MMP16: variants seen among roughly 807,000 people sequenced by gnomAD.
MMP16 encodes matrix metallopeptidase 16.
A neutral mutation model predicts 67.8 loss-of-function variants in MMP16; 12 were observed. That is an observed-to-expected ratio of 0.18 (90% CI 0.11 to 0.29). The LOEUF (loss-of-function observed/expected upper bound fraction) is 0.29. MMP16 is among the 10% of genes least tolerant of loss of function. The pLI is 1.00. For synonymous variants in MMP16, 249 were observed against 255.9 expected, an observed-to-expected ratio of 0.97 and a Z score of 0.26; for missense variants, 475 against 765.7, an observed-to-expected ratio of 0.62 and a Z score of 4.48.
At chr8:88,056,552 A>G (rs1808335453) in intron 7 of MMP16, among the ~76,000 whole-genome samples, 1 of 152,050 alleles carries the variant, frequency 6.6e-6, no homozygotes, top group Non-Finnish European at 1.5e-5. Context: ...AATAAAATAG[A>G]TCTATAACTT....
chr8:88,324,511 A>ATC (rs759411642), intron 1 of MMP16, among the ~76,000 whole-genome samples: 1 of 152,176 alleles, frequency 6.6e-6, no homozygotes, highest in Non-Finnish European at 1.5e-5. Context: ...CATAAAAAGC[A>ATC]TCCCCCTGAA....
rs910679685 is a variant in MMP16 at position 88,032,329 on chromosome 8, A to G, written c.*9132T>C. The G allele has an allele frequency of 6.6e-6, 1 of 152,194 alleles. No individual in the cohort carries two copies. Among genetic ancestry groups the G allele is most frequent in the Non-Finnish European group, 1.5e-5 (1 of 68,040 alleles). The allele number at this position is 152,194 out of a possible 1,614,324, so 9.4% of individuals were successfully genotyped here. ...AGCAGTCAAAGGGTTATAGCATTGTAAACATAAGTACTTTGTGGAAAAGTT... is the reference window on the plus strand; with the variant it reads ...AGCAGTCAAAGGGTTATAGCATTGTGAACATAAGTACTTTGTGGAAAAGTT... On this transcript the variant is annotated 3_prime_UTR_variant, in exon 10 of 10. Transcript: ENST00000286614.
rs28907621 is a variant in MMP16, at chr8:88,123,815, A to C, written c.710-4954T>G. On this transcript the variant is annotated intron_variant, in intron 4 of 9. Transcript: ENST00000286614. Reference sequence around the variant, plus strand: ...GCTGAGAGAAGCTGATCTTGGGTGGATTTTCACGCATCTCTTTCTGACACT... The same window carrying C: ...GCTGAGAGAAGCTGATCTTGGGTGGCTTTTCACGCATCTCTTTCTGACACT... Among the ~76,000 whole-genome samples, 1,442 of 151,702 alleles carry C rather than the reference A, an allele frequency of 9.5e-3. 11 individuals carry two copies. Among genetic ancestry groups the C allele is most frequent in the Non-Finnish European group, 0.012 (833 of 67,860 alleles).
intron 6 of MMP16, among the ~76,000 whole-genome samples, chr8:88,084,817 T>C (rs1808807441): frequency 6.6e-6 from 1 of 151,904 alleles, no homozygotes; most frequent in African/African-American, 2.4e-5. Flanking sequence ...TATGAAAAAA[T>C]ATTATTATGG....
At chr8:88,131,738 G>A (rs997959335) in intron 4 of MMP16, among the ~76,000 whole-genome samples, 1 of 151,688 alleles carries the variant, frequency 6.6e-6, no homozygotes, top group Non-Finnish European at 1.5e-5. Flanking sequence ...TCACCCACAC[G>A]TAGCTTAATT....
chr8:88,323,069 G>T (rs546370562), intron 1 of MMP16, among the ~76,000 whole-genome samples: 1 of 152,214 alleles, frequency 6.6e-6, no homozygotes, highest in South Asian at 2.1e-4. Flanking sequence ...TGACCAGTTA[G>T]AAACTGCTAC....
At chr8:88,139,436 T>C (rs1808174713) in intron 4 of MMP16, among the ~76,000 whole-genome samples, 1 of 152,122 alleles carries the variant, frequency 6.6e-6, no homozygotes, top group Non-Finnish European at 1.5e-5. Context: ...CACTTGGGCA[T>C]TACTCAAACC....
In MMP16 at chr8:88,233,572, A is replaced by G. The variant is rs575737498; in HGVS notation, c.133-36266T>C. On this transcript the variant is annotated intron_variant, in intron 1 of 9. Coordinates refer to ENST00000286614, the MANE Select transcript of MMP16 (RefSeq NM_005941.5). ...AAGTCTGATTCCACTAACCAGATAC[A>G]AAGTCATTTTGTTTTAATTCCAAGA... 3.5e-3 allele frequency among the ~76,000 whole-genome samples: 540 copies of G among 152,336 alleles called. 4 individuals carry two copies. Among genetic ancestry groups the G allele is most frequent in the African/African-American group, 0.012 (516 of 41,566 alleles).
At chr8:88,117,777 A>G (rs550723224) in intron 5 of MMP16, among the ~76,000 whole-genome samples, 1 of 152,214 alleles carries the variant, frequency 6.6e-6, no homozygotes, top group Non-Finnish European at 1.5e-5. Context: ...GCAAAAACGA[A>G]TTAGTGAACT....
intron 4 of MMP16, among the ~76,000 whole-genome samples, chr8:88,135,189 G>A (rs1475408422): frequency 1.3e-5 from 2 of 151,600 alleles, no homozygotes; most frequent in Non-Finnish European, 3.0e-5. Context: ...AACATTTATT[G>A]AGTATTAGAT....
chr8:88,136,386 T>C lies in MMP16; in HGVS notation c.710-17525A>G, dbSNP rs534924209. Among the ~76,000 whole-genome samples, 5 of 151,934 alleles carry C rather than the reference T, an allele frequency of 3.3e-5. No homozygotes were observed. The South Asian group carries it at 1.0e-3, about 32-fold the overall frequency. On this transcript the variant is annotated intron_variant, in intron 4 of 9. Transcript: ENST00000286614. Reference sequence around the variant, plus strand: ...ATCAAATTAAAAACTTTAATTTTCATTAATGTAAAATGTACATACTATAAA... The same window carrying C: ...ATCAAATTAAAAACTTTAATTTTCACTAATGTAAAATGTACATACTATAAA...
At chr8:88,043,949 A>G (rs1197276849) in intron 9 of MMP16, among the ~76,000 whole-genome samples, 1 of 152,234 alleles carries the variant, frequency 6.6e-6, no homozygotes, top group African/African-American at 2.4e-5. Flanking sequence ...TGTACTTCTT[A>G]TATCTATAAA....
At chr8:88,059,088 G>A (rs532678168) in intron 7 of MMP16, among the ~76,000 whole-genome samples, 4 of 152,118 alleles carry the variant, frequency 2.6e-5, no homozygotes, top group Non-Finnish European at 5.9e-5. Flanking sequence ...AGATGTCAAT[G>A]AGATATCTAC....
intron 1 of MMP16, among the ~76,000 whole-genome samples, chr8:88,289,707 C>T (rs1038727615): frequency 1.3e-5 from 2 of 151,292 alleles, no homozygotes; most frequent in African/African-American, 4.9e-5. Context: ...CACACACACA[C>T]ACACACACAC....
In MMP16 at chr8:88,100,544, T is replaced by G. The variant is rs1208922687; in HGVS notation, c.1083+15963A>C. ...ACTGTTGATGGGACTGTAAACTAGT[T>G]CAACCATTGTGGAAGACAGTGTGGT... On this transcript the variant is annotated intron_variant, in intron 6 of 9. Coordinates refer to ENST00000286614, the MANE Select transcript of MMP16 (RefSeq NM_005941.5). Among the ~76,000 whole-genome samples the G allele has an allele frequency of 2.0e-5, 3 of 152,008 alleles. No homozygotes were observed. The East Asian group carries it at 5.8e-4, about 30-fold the overall frequency.
At chr8:88,103,078 C>T (rs1311998426) in intron 6 of MMP16, among the ~76,000 whole-genome samples, 2 of 151,846 alleles carry the variant, frequency 1.3e-5, no homozygotes, top group African/African-American at 4.8e-5. Flanking sequence ...TTTCCATCTT[C>T]ATTTCTCAAT....
intron 1 of MMP16, among the ~76,000 whole-genome samples, chr8:88,208,472 T>C (rs1177112329): frequency 6.6e-6 from 1 of 152,202 alleles, no homozygotes; most frequent in African/African-American, 2.4e-5. Context: ...ATTTCCTTGG[T>C]CACCAAGAAC....
rs1405384212 is a variant in MMP16, at chr8:88,058,199, T to C, written c.1223-1921A>G. Among the ~76,000 whole-genome samples the C allele has an allele frequency of 2.0e-5, 3 of 152,080 alleles. No individual in the cohort carries two copies. Among genetic ancestry groups the C allele is most frequent in the Non-Finnish European group, 2.9e-5 (2 of 67,998 alleles). ...ATAAAATCTTTGCAAATCAACATAA[T>C]GAGTTGGAATCTTACTTAGAGTGTA... On this transcript the variant is annotated intron_variant, in intron 7 of 9. Transcript: ENST00000286614. The surrounding 1 kb of genome is among the most constrained non-coding windows in gnomAD (Gnocchi z 4.2).
At chr8:88,219,241 C>T (rs1230134686) in intron 1 of MMP16, among the ~76,000 whole-genome samples, 1 of 151,924 alleles carries the variant, frequency 6.6e-6, no homozygotes, top group Non-Finnish European at 1.5e-5. Flanking sequence ...TTTCAATAAA[C>T]ACTGGAAGAA....
Sources: allele counts gnomAD v4.1 joint callset (sites outside exome capture counted in the v4.1 genomes callset), GRCh38; gene constraint gnomAD v4.1.1; non-coding constraint Gnocchi (gnomAD v3.1); transcripts MANE v1.5; gene names NCBI Gene and HGNC (gene_info 2026-07-23, HGNC 2026-07-21).